The following HPSE2 variants were observed in gnomAD, a reference collection of about 807,000 sequenced individuals.
HPSE2 encodes the protein inactive heparanase-2.
HPSE2 carries 38 observed loss-of-function variants against 60.5 expected under a neutral mutation model. That is an observed-to-expected ratio of 0.63 (90% CI 0.48 to 0.82). The LOEUF (loss-of-function observed/expected upper bound fraction) is 0.82, where lower values mean the gene tolerates loss of function less well. HPSE2 is among the 40% of genes least tolerant of loss of function. HPSE2 has a pLI of 0.00. For missense variants in HPSE2, 713 were observed against 740.4 expected, an observed-to-expected ratio of 0.96 and a Z score of 0.43; for synonymous variants, 295 against 293.2, an observed-to-expected ratio of 1.01 and a Z score of -0.06.
intron 3 of HPSE2, among the ~76,000 whole-genome samples, chr10:98,945,168 A>C (rs1214745113): frequency 1.3e-5 from 2 of 151,688 alleles, no homozygotes; most frequent in African/African-American, 4.9e-5. Context: ...ATCCCCACCC[A>C]AAAAAAGAAG....
intron 3 of HPSE2, among the ~76,000 whole-genome samples, chr10:98,939,694 A>G (rs1479955411): frequency 1.4e-5 from 2 of 143,632 alleles, no homozygotes; most frequent in African/African-American, 2.8e-5. Flanking sequence ...GTTAACAAGG[A>G]TACCCAGGAA....
chr10:99,099,646 G>C (rs1428049727), intron 3 of HPSE2, among the ~76,000 whole-genome samples: 3 of 152,158 alleles, frequency 2.0e-5, no homozygotes, highest in Non-Finnish European at 4.4e-5. Context: ...AGAGAGTAGT[G>C]GTTCTCCAAG....
chr10:98,861,360 T>C (rs926274362), intron 3 of HPSE2, among the ~76,000 whole-genome samples: 6 of 152,144 alleles, frequency 3.9e-5, no homozygotes, highest in African/African-American at 1.2e-4. Flanking sequence ...CAAAATCCTA[T>C]ATGGAAGTCC....
At chr10:98,467,921 C>T (rs1158036867) in intron 11 of HPSE2, among the ~76,000 whole-genome samples, 1 of 152,222 alleles carries the variant, frequency 6.6e-6, no homozygotes, top group Non-Finnish European at 1.5e-5. Context: ...GTGCAGAGAA[C>T]GGGGGGTCCC....
intron 3 of HPSE2, among the ~76,000 whole-genome samples, chr10:98,769,461 T>C (rs1438660345): frequency 1.3e-5 from 2 of 152,148 alleles, no homozygotes; most frequent in East Asian, 3.9e-4. Flanking sequence ...CACTACTCAG[T>C]TTCTGGCAAA....
intron 3 of HPSE2, among the ~76,000 whole-genome samples, chr10:99,043,239 C>A (rs979775405): frequency 3.3e-4 from 50 of 152,210 alleles, no homozygotes; most frequent in African/African-American, 1.2e-3. Flanking sequence ...AATCCCAGCA[C>A]TTTGGGAGGC....
At chr10:98,484,993 CT>C (rs1369129618) in intron 10 of HPSE2, among the ~76,000 whole-genome samples, 2 of 152,220 alleles carry the variant, frequency 1.3e-5, no homozygotes, top group Non-Finnish European at 2.9e-5. Context: ...TCTAAGTCAA[CT>C]TTGCCCAGAG....
chr10:98,792,173 A>G (rs962371903), intron 3 of HPSE2, among the ~76,000 whole-genome samples: 1 of 152,200 alleles, frequency 6.6e-6, no homozygotes, highest in Non-Finnish European at 1.5e-5. Context: ...TACTTCTACT[A>G]GAATACAAAC....
At chr10:98,873,793 G>A (rs531640964) in intron 3 of HPSE2, among the ~76,000 whole-genome samples, 106 of 152,182 alleles carry the variant, frequency 7.0e-4, no homozygotes, top group African/African-American at 2.5e-3. Context: ...TCACCATACT[G>A]TCTTCCTCAA....
At chr10:99,124,764 G>A (rs1845098877) in intron 3 of HPSE2, among the ~76,000 whole-genome samples, 1 of 152,254 alleles carries the variant, frequency 6.6e-6, no homozygotes, top group Admixed American at 6.5e-5. Flanking sequence ...GCATTTGAGA[G>A]TGCAGAGATC....
At position 98,562,724 on chromosome 10, in the gene HPSE2, A is replaced by T. The variant is rs961122114; in HGVS notation, c.1320+52180T>A. ...AGTGAGACTCTGTCTCAAAAAAAAA[A>T]AAAAAAAAAAAATCTGCTGGTCTAC... On this transcript the variant is annotated intron_variant, in intron 9 of 11. Coordinates refer to ENST00000370552, the MANE Select transcript of HPSE2 (RefSeq NM_021828.5). Among the ~76,000 whole-genome samples the T allele has an allele frequency of 2.6e-5, 4 of 152,056 alleles. 1 individual carries two copies. The South Asian group carries it at 8.3e-4, about 31-fold the overall frequency.
chr10:99,074,605 T>A (rs892518580), intron 3 of HPSE2, among the ~76,000 whole-genome samples: 10 of 152,156 alleles, frequency 6.6e-5, no homozygotes, highest in Admixed American at 6.5e-4. Context: ...TCTTCAATGT[T>A]TTTGGACGAG....
intron 3 of HPSE2, among the ~76,000 whole-genome samples, chr10:99,054,722 C>T (rs961654181): frequency 3.3e-5 from 5 of 152,170 alleles, no homozygotes; most frequent in African/African-American, 7.2e-5. Context: ...TTTGTTTGTT[C>T]GTTTTTGAGA....
At chr10:99,302,026 A>G in the HPSE2 span, among the ~76,000 whole-genome samples, 3 of 152,010 alleles carry the variant, frequency 2.0e-5, no homozygotes, top group Non-Finnish European at 2.9e-5. Flanking sequence ...CCTGACCTCA[A>G]AGATGAGCCC....
intron 7 of HPSE2, among the ~76,000 whole-genome samples, chr10:98,622,508 A>T (rs374428054): frequency 1.8e-4 from 28 of 152,362 alleles, no homozygotes; most frequent in African/African-American, 6.7e-4. Context: ...GTACATAGAC[A>T]TCAACAATCA....
At chr10:99,296,987 G>C in the HPSE2 span, among the ~76,000 whole-genome samples, 1,651 of 152,312 alleles carry the variant, frequency 0.011, 27 homozygotes, top group African/African-American at 0.035. Flanking sequence ...GAGGAGCAGA[G>C]AGGGAGCAAA....
intron 6 of HPSE2, among the ~76,000 whole-genome samples, chr10:98,681,273 C>A (rs575464938): frequency 6.6e-6 from 1 of 151,680 alleles, no homozygotes; most frequent in Non-Finnish European, 1.5e-5. Flanking sequence ...TATCTGCCAC[C>A]GTGAACTTGT....
At chr10:98,599,928 C>A (rs1012458905) in intron 9 of HPSE2, among the ~76,000 whole-genome samples, 27 of 152,136 alleles carry the variant, frequency 1.8e-4, no homozygotes, top group African/African-American at 5.1e-4. Flanking sequence ...GACAAATAGT[C>A]ATTACATTGA....
intron 11 of HPSE2, among the ~76,000 whole-genome samples, chr10:98,463,558 T>C (rs1225170989): frequency 6.6e-6 from 1 of 152,114 alleles, no homozygotes; most frequent in Non-Finnish European, 1.5e-5. Flanking sequence ...TCCCAGCACT[T>C]TGGGAGGCTG....
Sources: allele counts gnomAD v4.1 joint callset (sites outside exome capture counted in the v4.1 genomes callset), GRCh38; gene constraint gnomAD v4.1.1; transcripts MANE v1.5; gene names NCBI Gene and HGNC (gene_info 2026-07-23, HGNC 2026-07-21).